Variants in FAM151B observed in about 807,000 individuals in gnomAD.
FAM151B encodes the protein protein FAM151B.
Under a neutral mutation model 31.2 loss-of-function variants are expected in FAM151B, and 24 were observed. The observed-to-expected ratio is 0.77, with a 90% CI of 0.56 to 1.08. The LOEUF (loss-of-function observed/expected upper bound fraction) is 1.08, where lower values mean the gene tolerates loss of function less well. Among genes scored for constraint, FAM151B ranks in the 50% least tolerant of loss-of-function variants. The probability of loss-of-function intolerance (pLI) is 0.00; values close to 1 mark genes in which losing one functional copy is unlikely to be tolerated. For missense variants in FAM151B, 293 were observed against 328.6 expected (o/e 0.89, Z 0.84); for synonymous variants, 105 against 111.4 (o/e 0.94, Z 0.36).
chr5:80,523,727 G>T (rs1358967176), intron 5 of FAM151B, among the ~76,000 whole-genome samples: 1 of 152,128 alleles, frequency 6.6e-6, no homozygotes, highest in Non-Finnish European at 1.5e-5. Flanking sequence ...AGAATGATAG[G>T]TATAGTATGA....
chr5:80,501,934 A>T lies in FAM151B; in HGVS notation c.151+17A>T, dbSNP rs1743765177. The T allele has an allele frequency of 1.6e-5, 24 of 1,547,210 alleles. No individual in the cohort carries two copies. In the East Asian group the frequency reaches 5.6e-4, roughly 36 times the overall value. On this transcript the variant is annotated intron_variant, in intron 2 of 5. Transcript: ENST00000282226. ...CACTGAAAAGTAAGTCAGTACAGTT[A>T]CTTGTAATTTACTTTGGATAATAGA...
intron 5 of FAM151B, among the ~76,000 whole-genome samples, chr5:80,534,089 CAAGTAATGAG>C (rs1745380577): frequency 1.3e-5 from 2 of 151,968 alleles, no homozygotes; most frequent in Non-Finnish European, 2.9e-5. Context: ...AGACCAATAA[CAAGTAATGAG>C]ATTGAAGCTA....
At chr5:80,504,439 T>G (rs1000840895) in intron 2 of FAM151B, among the ~76,000 whole-genome samples, 3 of 151,414 alleles carry the variant, frequency 2.0e-5, no homozygotes, top group Non-Finnish European at 4.4e-5. Context: ...GCCCAGAGAC[T>G]CCTCAACTTG....
At chr5:80,490,310 C>T (rs1743275472) in intron 1 of FAM151B, among the ~76,000 whole-genome samples, 1 of 152,090 alleles carries the variant, frequency 6.6e-6, no homozygotes, top group South Asian at 2.1e-4. Flanking sequence ...GCGGGAGAAT[C>T]GCTTAAGCCG....
chr5:80,540,678 C>T (rs1745838521), intron 5 of FAM151B, among the ~76,000 whole-genome samples: 1 of 152,120 alleles, frequency 6.6e-6, no homozygotes, highest in African/African-American at 2.4e-5. Context: ...AATAGAGATT[C>T]CATTTTAGCA....
rs563079940 is a variant in FAM151B at position 80,499,105 on chromosome 5, G to A, written c.26-2687G>A. 33 of 158,924 alleles carry A rather than the reference G, an allele frequency of 2.1e-4. 1 individual carries two copies. The highest frequency in any genetic ancestry group is 4.1e-5 in the Non-Finnish European group (3 of 72,712). The allele number at this position is 158,924 out of a possible 1,614,324, so 9.8% of individuals were successfully genotyped here. On this transcript the variant is annotated intron_variant, in intron 1 of 5. Transcript: ENST00000282226. The stretch of plus-strand genomic sequence containing the variant: ...ACAGAGGAAAGAATCTCATGCGTGG[G>A]GAATTTGCAGGCACTTGCTAGGCTC...
chr5:80,516,312 G>A (rs1744441959), intron 3 of FAM151B, among the ~76,000 whole-genome samples: 2 of 152,054 alleles, frequency 1.3e-5, no homozygotes, highest in Admixed American at 1.3e-4. Context: ...CAACAAGAGT[G>A]AAACGCCATC....
chr5:80,537,878 A>G (rs1419382607), intron 5 of FAM151B, among the ~76,000 whole-genome samples: 11 of 151,016 alleles, frequency 7.3e-5, no homozygotes, highest in Non-Finnish European at 1.5e-4. Context: ...TTTAAATTTA[A>G]TTTTTCAAAC....
chr5:80,500,189 T>A, intron 1 of FAM151B: 1 of 480,242 alleles, frequency 2.1e-6, no homozygotes. Flanking sequence ...ATATGTGGAA[T>A]AAAAAAAAAT....
chr5:80,495,573 A>G (rs1048451513), intron 1 of FAM151B, among the ~76,000 whole-genome samples: 19 of 152,300 alleles, frequency 1.2e-4, no homozygotes, highest in African/African-American at 4.6e-4. Flanking sequence ...GCTCATGCCT[A>G]TAATCCCAGC....
chr5:80,511,147 A>C (rs1744165651), intron 2 of FAM151B: 1 of 152,128 alleles, frequency 6.6e-6, no homozygotes, highest in African/African-American at 2.4e-5. Context: ...AATGAATCTG[A>C]ATGTATCCTC....
At chr5:80,526,623 A>G (rs1744985561) in intron 5 of FAM151B, among the ~76,000 whole-genome samples, 1 of 152,172 alleles carries the variant, frequency 6.6e-6, no homozygotes, top group Non-Finnish European at 1.5e-5. Context: ...CCGTCTAAAA[A>G]AAAATAGTCT....
chr5:80,488,514 G>A (rs1303140512), intron 1 of FAM151B, among the ~76,000 whole-genome samples: 2 of 152,258 alleles, frequency 1.3e-5, no homozygotes, highest in African/African-American at 4.8e-5. Flanking sequence ...TGAAAGCTGG[G>A]GGAGGTTTGG....
intron 5 of FAM151B, among the ~76,000 whole-genome samples, chr5:80,533,434 A>G (rs1462275395): frequency 6.6e-6 from 1 of 151,554 alleles, no homozygotes; most frequent in Non-Finnish European, 1.5e-5. Context: ...ACCAAACCCA[A>G]AATTAGTAGA....
chr5:80,538,499 CTT>C (rs779579066), intron 5 of FAM151B, among the ~76,000 whole-genome samples: 1 of 113,000 alleles, frequency 8.8e-6, no homozygotes, highest in East Asian at 2.3e-4. Context: ...TCCTTCCTTC[CTT>C]TCTTTTCTTT....
intron 5 of FAM151B, among the ~76,000 whole-genome samples, chr5:80,538,426 TTC>T (rs1306290616): frequency 1.8e-5 from 1 of 56,514 alleles, no homozygotes; most frequent in Non-Finnish European, 3.2e-5. Flanking sequence ...CTTTCTTTCT[TTC>T]TTTCTTTCTT....
At chr5:80,507,118 C>CA (rs58200677) in intron 2 of FAM151B, among the ~76,000 whole-genome samples, 15,523 of 112,160 alleles carry the variant, frequency 0.14, 1,149 homozygotes, top group Middle Eastern at 0.28. Context: ...GACTCCATCT[C>CA]AAAAAAAAAA....
chr5:80,495,389 A>G (rs545091463), intron 1 of FAM151B: 2 of 152,344 alleles, frequency 1.3e-5, no homozygotes, highest in African/African-American at 2.4e-5. Flanking sequence ...TCATCATCCT[A>G]GATTCCATCA....
intron 3 of FAM151B, among the ~76,000 whole-genome samples, chr5:80,514,681 G>C (rs1012114498): frequency 6.6e-6 from 1 of 151,992 alleles, no homozygotes; most frequent in African/African-American, 2.4e-5. Flanking sequence ...TAAAGCTTAT[G>C]AAGGCAGCTG....
Sources: allele counts gnomAD v4.1 joint callset (sites outside exome capture counted in the v4.1 genomes callset), GRCh38; gene constraint gnomAD v4.1.1; transcripts MANE v1.5; gene names NCBI Gene and HGNC (gene_info 2026-07-23, HGNC 2026-07-21).